The following CTNNA3 variants were observed in gnomAD, a reference collection of about 807,000 sequenced individuals.
CTNNA3 encodes the protein catenin alpha-3.
A neutral mutation model predicts 95.7 loss-of-function variants in CTNNA3; 76 were observed. That is an observed-to-expected ratio of 0.79 (90% CI 0.66 to 0.96). The LOEUF (loss-of-function observed/expected upper bound fraction) is 0.96. Among genes scored for constraint, CTNNA3 ranks in the 40% least tolerant of loss-of-function variants. The pLI is 0.00. For missense variants in CTNNA3, 1,191 were observed against 1,089.8 expected (o/e 1.09, Z -1.31); for synonymous variants, 431 against 374.4 (o/e 1.15, Z -1.74).
Position 67,524,141 on chromosome 10 carries a change from C to T in CTNNA3, c.460-2180G>A, listed in dbSNP as rs185290632. On this transcript the variant is annotated intron_variant, in intron 4 of 17. Coordinates refer to ENST00000433211, the MANE Select transcript of CTNNA3 (RefSeq NM_013266.4). Reference sequence around the variant, plus strand: ...CAAAATAGCCGGGCGCGGTGGCTCACGCCTGTAATCCCAGCACTTTGGGAG... The same window carrying T: ...CAAAATAGCCGGGCGCGGTGGCTCATGCCTGTAATCCCAGCACTTTGGGAG... Among the ~76,000 whole-genome samples, 155 of 152,240 alleles carry T rather than the reference C, an allele frequency of 1.0e-3. 1 individual carries two copies. The highest frequency in any genetic ancestry group is 3.7e-3 in the African/African-American group (154 of 41,554).
chr10:67,374,927 A>C (rs931489267), intron 5 of CTNNA3, among the ~76,000 whole-genome samples: 2 of 152,210 alleles, frequency 1.3e-5, no homozygotes, highest in African/African-American at 2.4e-5. Flanking sequence ...TCTTAAGAAC[A>C]CAACTCCAAA....
At chr10:66,742,114 C>A (rs535001529) in intron 9 of CTNNA3, among the ~76,000 whole-genome samples, 1 of 152,124 alleles carries the variant, frequency 6.6e-6, no homozygotes, top group African/African-American at 2.4e-5. Flanking sequence ...CTTTCAAAAG[C>A]AAATGGGAGA....
chr10:66,972,670 T>A (rs1478986929), intron 7 of CTNNA3, among the ~76,000 whole-genome samples: 4 of 151,208 alleles, frequency 2.6e-5, no homozygotes, highest in Admixed American at 2.6e-4. Flanking sequence ...AAGCTTTATA[T>A]AGATACAATT....
intron 7 of CTNNA3, among the ~76,000 whole-genome samples, chr10:67,161,667 T>G (rs1353055136): frequency 6.6e-6 from 1 of 151,984 alleles, no homozygotes; most frequent in East Asian, 1.9e-4. Context: ...GTAGATAGAT[T>G]AGACATAATC....
chr10:66,721,277 C>T (rs12764901), intron 9 of CTNNA3, among the ~76,000 whole-genome samples: 3,665 of 152,170 alleles, frequency 0.024, 188 homozygotes, highest in East Asian at 0.22. Context: ...ATAAACCTCT[C>T]GAGCAAAGCT....
chr10:66,696,388 G>A (rs900992469), intron 9 of CTNNA3, among the ~76,000 whole-genome samples: 2 of 152,014 alleles, frequency 1.3e-5, no homozygotes, highest in African/African-American at 2.4e-5. Flanking sequence ...GACTATCCAC[G>A]ATTTAAACCT....
intron 11 of CTNNA3, among the ~76,000 whole-genome samples, chr10:66,517,638 G>T (rs1361449576): frequency 6.6e-6 from 1 of 151,886 alleles, no homozygotes; most frequent in African/African-American, 2.4e-5. Flanking sequence ...CATAAAAATG[G>T]GCAACCAGCA....
chr10:67,175,182 GA>G, intron 7 of CTNNA3, among the ~76,000 whole-genome samples: 1 of 151,708 alleles, frequency 6.6e-6, no homozygotes, highest in Non-Finnish European at 1.5e-5. Context: ...AACATAGGCT[GA>G]AAACTGCCTT....
intron 7 of CTNNA3, among the ~76,000 whole-genome samples, chr10:66,959,240 T>C (rs1304644580): frequency 6.6e-6 from 1 of 152,188 alleles, no homozygotes; most frequent in East Asian, 1.9e-4. Context: ...TTCCTCTCTA[T>C]AGAATTTCAT....
intron 11 of CTNNA3, among the ~76,000 whole-genome samples, chr10:66,447,956 C>T (rs563623117): frequency 2.6e-5 from 4 of 152,274 alleles, no homozygotes; most frequent in South Asian, 4.1e-4. Context: ...CCAGAATCTA[C>T]AATGAACTCA....
intron 10 of CTNNA3, among the ~76,000 whole-genome samples, chr10:66,544,851 T>C (rs891814353): frequency 6.6e-6 from 1 of 152,140 alleles, no homozygotes; most frequent in African/African-American, 2.4e-5. Context: ...TTGTGTACTT[T>C]TCATTATTTT....
intron 9 of CTNNA3, among the ~76,000 whole-genome samples, chr10:66,750,805 T>C (rs1564657895): frequency 6.6e-6 from 1 of 152,204 alleles, no homozygotes; most frequent in Non-Finnish European, 1.5e-5. Flanking sequence ...TGTGAAGAAG[T>C]GACATGTTTG....
intron 13 of CTNNA3, among the ~76,000 whole-genome samples, chr10:66,200,607 A>G (rs2087333268): frequency 6.6e-6 from 1 of 152,204 alleles, no homozygotes; most frequent in African/African-American, 2.4e-5. Flanking sequence ...TCAGAATTGC[A>G]CTGCGAATGT....
At chr10:67,736,854 A>G (rs1387900001) in intron 1 of CTNNA3, among the ~76,000 whole-genome samples, 3 of 152,176 alleles carry the variant, frequency 2.0e-5, no homozygotes, top group Non-Finnish European at 4.4e-5. Flanking sequence ...CAGAATACAC[A>G]TTCTTTTCAC....
Position 65,966,795 on chromosome 10 carries a change from T to C in CTNNA3, c.2266-49A>G, listed in dbSNP as rs780599280. 8 of 1,475,526 alleles carry C rather than the reference T, an allele frequency of 5.4e-6. No individual in the cohort carries two copies. In the South Asian group the frequency reaches 9.8e-5, roughly 18 times the overall value. The allele number at this position is 1,475,526 out of a possible 1,614,324, so 91.4% of individuals were successfully genotyped here. A position where few individuals can be genotyped will look rare whatever the true frequency, so the allele number is the denominator to read the frequency against. On this transcript the variant is annotated intron_variant, in intron 16 of 17. Transcript: ENST00000433211. ...ATAGATACAGCAGAATAAATAATAG[T>C]TAGATCAAGGTGAGTAAATACAGTA...
At chr10:66,552,482 G>T (rs886506364) in intron 10 of CTNNA3, among the ~76,000 whole-genome samples, 1 of 152,058 alleles carries the variant, frequency 6.6e-6, no homozygotes, top group Non-Finnish European at 1.5e-5. Flanking sequence ...CTCCAAAGTT[G>T]ACATGCTTTT....
chr10:66,786,925 G>A (rs537130764), intron 7 of CTNNA3, among the ~76,000 whole-genome samples: 5 of 152,250 alleles, frequency 3.3e-5, no homozygotes, highest in African/African-American at 7.2e-5. Context: ...ACTCTACAGC[G>A]CTGTCTCAGA....
At chr10:66,706,735 T>C (rs1848130751) in intron 9 of CTNNA3, among the ~76,000 whole-genome samples, 1 of 152,058 alleles carries the variant, frequency 6.6e-6, no homozygotes, top group Admixed American at 6.6e-5. Flanking sequence ...GCATACATAG[T>C]TCTTCCTGCC....
At chr10:66,414,872 A>G (rs7088590) in intron 11 of CTNNA3, among the ~76,000 whole-genome samples, 52,482 of 151,872 alleles carry the variant, frequency 0.35, 9,796 homozygotes, top group African/African-American at 0.48. Flanking sequence ...ACACTACCTG[A>G]AGCCCAGTGG....
Sources: gnomAD v4.1 joint callset for allele counts (sites outside exome capture counted in the v4.1 genomes callset) on GRCh38, gnomAD v4.1.1 for gene constraint, MANE v1.5 for transcripts, NCBI Gene and HGNC (gene_info 2026-07-23, HGNC 2026-07-21) for gene names.